Variants in MRPL3 observed in about 807,000 individuals in gnomAD.
The protein encoded by MRPL3 is large ribosomal subunit protein uL3m.
A neutral mutation model predicts 44.3 loss-of-function variants in MRPL3; 43 were observed. The observed-to-expected ratio is 0.97, with a 90% confidence interval of 0.76 to 1.25. The LOEUF (loss-of-function observed/expected upper bound fraction) is 1.25, where lower values mean the gene tolerates loss of function less well. MRPL3 is among the 50% of genes most tolerant of loss of function. MRPL3 has a pLI of 0.00. For synonymous variants in MRPL3, 171 were observed against 152.3 expected, an observed-to-expected ratio of 1.12 and a Z score of -0.91; for missense variants, 406 against 427.6, an observed-to-expected ratio of 0.95 and a Z score of 0.45.
chr3:131,469,887 T>A, intron 7 of MRPL3, 114 bp from the exon 8 acceptor site: 3 of 657,560 alleles, frequency 4.6e-6, no homozygotes. Flanking sequence ...ATTTTTCCCC[T>A]ATTCTGCTAG....
rs1036587285 is a variant in MRPL3 at position 131,462,514 on chromosome 3, T to C, written c.*209A>G. 2 of 393,264 alleles carry C rather than the reference T, an allele frequency of 5.1e-6. No individual in the cohort carries two copies. The highest frequency in any genetic ancestry group is 4.1e-5 in the African/African-American group (2 of 48,362). 24.4% of individuals were successfully genotyped at this position (393,264 alleles called of 1,614,324 possible). On this transcript the variant is annotated 3_prime_UTR_variant, in exon 10 of 10. Transcript: ENST00000264995. ...TATGCCCAACACCAATTTCAGCAAA[T>C]CCAATCTACTTAACTCATATATTTA...
At chr3:131,501,154 C>T (rs1934490027) in intron 2 of MRPL3, among the ~76,000 whole-genome samples, 1 of 152,224 alleles carries the variant, frequency 6.6e-6, no homozygotes, top group Non-Finnish European at 1.5e-5. Flanking sequence ...AGGGGTTATG[C>T]TTCCCAAATC....
chr3:131,496,965 C>G (rs549701442), intron 4 of MRPL3, among the ~76,000 whole-genome samples: 1 of 152,238 alleles, frequency 6.6e-6, no homozygotes, highest in Non-Finnish European at 1.5e-5. Context: ...CCCAAGCACA[C>G]ATGCTCTTCC....
At chr3:131,488,074 A>G (rs1934170494) in intron 5 of MRPL3, among the ~76,000 whole-genome samples, 1 of 152,224 alleles carries the variant, frequency 6.6e-6, no homozygotes, top group South Asian at 2.1e-4. Context: ...CACATTGGGA[A>G]AACAAAAACA....
At chr3:131,487,762 A>C in intron 5 of MRPL3, 22 bp from the exon 6 acceptor site, 1 of 1,595,246 alleles carries the variant, frequency 6.3e-7, no homozygotes, top group Non-Finnish European at 8.6e-7. Context: ...GAAAATGAAA[A>C]ATCAATATGA....
At chr3:131,463,715 A>C (rs543980138) in intron 9 of MRPL3, among the ~76,000 whole-genome samples, 1 of 152,326 alleles carries the variant, frequency 6.6e-6, no homozygotes, top group East Asian at 1.9e-4. Context: ...AATTCTAATT[A>C]TATCTGTGAA....
Position 131,484,742 on chromosome 3 carries a change from C to T in MRPL3, c.629+2938G>A, listed in dbSNP as rs546048278. Among the ~76,000 whole-genome samples the T allele has an allele frequency of 3.9e-5, 6 of 152,170 alleles. No individual in the cohort carries two copies. The South Asian group carries it at 6.2e-4, about 16-fold the overall frequency. Reference sequence around the variant, plus strand: ...AAACAGTTCCAGATGAGAAGGACAACGAATCCTATAAATTTACAAGCATTT... The same window carrying T: ...AAACAGTTCCAGATGAGAAGGACAATGAATCCTATAAATTTACAAGCATTT... On this transcript the variant is annotated intron_variant, in intron 6 of 9. Coordinates refer to ENST00000264995, the MANE Select transcript of MRPL3 (RefSeq NM_007208.4).
At chr3:131,491,339 C>A (rs535049968) in intron 4 of MRPL3, among the ~76,000 whole-genome samples, 1 of 152,280 alleles carries the variant, frequency 6.6e-6, no homozygotes, top group East Asian at 1.9e-4. Flanking sequence ...CCACTCTCTC[C>A]ATGGAAGACT....
intron 6 of MRPL3, among the ~76,000 whole-genome samples, chr3:131,477,556 A>T (rs1031996276): frequency 5.9e-5 from 9 of 152,356 alleles, no homozygotes; most frequent in Non-Finnish European, 1.0e-4. Flanking sequence ...GATTAACTCA[A>T]TAAATCCCTA....
In MRPL3 at chr3:131,462,736, A is replaced by G; in HGVS notation, c.1034T>C (p.Ile345Thr). The part of the protein sequence containing the change: ...ENVCQPGAPS[I>T]TFA ...CGTCCAAAGATGTTAGGCAAATGTA[A>G]TAGAAGGCGCACCGGGCTGACACAC... Residue 345 changes from isoleucine to threonine, a missense_variant, in exon 10 of 10, where the codon ATT becomes ACT. By Grantham distance (89) the Ile-to-Thr change is moderately conservative (BLOSUM62 -1). Coordinates refer to ENST00000264995, the MANE Select transcript of MRPL3 (RefSeq NM_007208.4). 6.2e-7 allele frequency: 1 copy of G among 1,611,476 alleles called. No homozygotes were observed. Among genetic ancestry groups the G allele is most frequent in the African/African-American group, 1.3e-5 (1 of 74,936 alleles).
chr3:131,502,852 T>C lies in MRPL3; in HGVS notation c.-31A>G, dbSNP rs1934530154. On this transcript the variant is annotated 5_prime_UTR_variant, in exon 1 of 10. Transcript: ENST00000264995. ...AGCCCGGGAAGACTCGACTCACGAC[T>C]TCCGGGCGCCCTGCCGCTCTGCTTT... 6.9e-6 allele frequency: 11 copies of C among 1,600,436 alleles called. No homozygotes were observed. Among genetic ancestry groups the C allele is most frequent in the Non-Finnish European group, 9.4e-6 (11 of 1,172,618 alleles).
intron 9 of MRPL3, among the ~76,000 whole-genome samples, chr3:131,465,816 A>C (rs955257314): frequency 2.0e-5 from 3 of 152,154 alleles, no homozygotes; most frequent in Non-Finnish European, 4.4e-5. Context: ...AAACCTACTT[A>C]AACTTAAAAA....
intron 3 of MRPL3, among the ~76,000 whole-genome samples, chr3:131,499,320 T>C (rs1400709201): frequency 6.6e-6 from 1 of 152,224 alleles, no homozygotes; most frequent in African/African-American, 2.4e-5. Flanking sequence ...TATTTCTAGT[T>C]TGTTGGCGTT....
chr3:131,474,180 T>C (rs1933802088), intron 6 of MRPL3, among the ~76,000 whole-genome samples: 1 of 152,058 alleles, frequency 6.6e-6, no homozygotes, highest in Non-Finnish European at 1.5e-5. Flanking sequence ...ATAAAGGAAA[T>C]GTGGCACATA....
chr3:131,482,858 T>C (rs1336662216), intron 6 of MRPL3, among the ~76,000 whole-genome samples: 1 of 150,670 alleles, frequency 6.6e-6, no homozygotes, highest in African/African-American at 2.4e-5. Flanking sequence ...TGTCTCTCCA[T>C]GCTATTACGA....
In MRPL3 at chr3:131,462,825, T is replaced by C. The variant is rs61731513; in HGVS notation, c.945A>G (p.Pro315=). The change falls in exon 10 of 10, where the codon CCA becomes CCG. Residue 315 remains proline, a synonymous_variant. Coordinates refer to ENST00000264995, the MANE Select transcript of MRPL3 (RefSeq NM_007208.4). The stretch of plus-strand genomic sequence containing the variant: ...CTCCATCAGGAAAATATGTAGGGAA[T>C]GGTAGATTTTTACCGAGATCCTTAT... ...PAYKDLGKNL[P]FPTYFPDGDE... 2.0e-3 allele frequency: 3,179 copies of C among 1,612,888 alleles called. 45 individuals carry two copies. The African/African-American group carries it at 0.037, about 19-fold the overall frequency.
At chr3:131,462,976 C>A in intron 9 of MRPL3, 101 bp from the exon 10 acceptor site, 1 of 951,610 alleles carries the variant, frequency 1.1e-6, no homozygotes, top group Non-Finnish European at 1.5e-6. Context: ...ACTACATTTT[C>A]TAATGTGAAT....
At chr3:131,468,619 G>A (rs1933674360) in intron 8 of MRPL3, among the ~76,000 whole-genome samples, 1 of 152,002 alleles carries the variant, frequency 6.6e-6, no homozygotes. Context: ...GTACATAAAT[G>A]GGAGAGAATG....
chr3:131,501,574 A>G lies in MRPL3; in HGVS notation c.234T>C (p.Cys78=), dbSNP rs1934497748. The change falls in exon 2 of 10, where the codon TGT becomes TGC. Residue 78 remains cysteine, a synonymous_variant. Coordinates refer to ENST00000264995, the MANE Select transcript of MRPL3 (RefSeq NM_007208.4). ...TAGGCCATGGTTCATCTTTCAGAGG[A>G]CACAGTTTACTTGCTAATTGGGCTT... is the stretch of plus-strand genomic sequence containing the variant. ...EDKAQLASKL[C]PLKDEPWPIH... The G allele has an allele frequency of 6.2e-7, 1 of 1,612,150 alleles. No homozygotes were observed. The highest frequency in any genetic ancestry group is 8.5e-7 in the Non-Finnish European group (1 of 1,179,940).
Sources: gnomAD v4.1 joint callset for allele counts (sites outside exome capture counted in the v4.1 genomes callset) on GRCh38, gnomAD v4.1.1 for gene constraint, MANE v1.5 for transcripts, NCBI Gene and HGNC (gene_info 2026-07-23, HGNC 2026-07-21) for gene names.